Variants in PKIG observed in about 807,000 individuals in gnomAD.
PKIG encodes the protein cAMP-dependent protein kinase inhibitor gamma, also known as protein kinase (cAMP-dependent, catalytic) inhibitor gamma.
Under a neutral mutation model 6.8 loss-of-function variants are expected in PKIG, and 1 was observed. The observed-to-expected ratio is 0.15, with a 90% CI of 0.05 to 0.69. The LOEUF (loss-of-function observed/expected upper bound fraction) is 0.69, where lower values mean the gene tolerates loss of function less well. PKIG is among the 30% of genes least tolerant of loss of function. The pLI, the probability that PKIG is intolerant of heterozygous loss-of-function variation, is 0.82. For synonymous variants in PKIG, 39 were observed against 43.0 expected (o/e 0.91, Z 0.36); for missense variants, 77 against 104.0 (o/e 0.74, Z 1.13).
At chr20:44,572,609 C>T (rs1465471352) in intron 1 of PKIG, among the ~76,000 whole-genome samples, 1 of 152,140 alleles carries the variant, frequency 6.6e-6, no homozygotes, top group Non-Finnish European at 1.5e-5. Flanking sequence ...TGTCCAGGAG[C>T]AAAGCACCAC....
At position 44,614,482 on chromosome 20, in the gene PKIG, C is replaced by A; in HGVS notation, c.-23-52C>A. On this transcript the variant is annotated intron_variant, in intron 2 of 3. Transcript: ENST00000372886. The surrounding 1 kb of genome is among the most constrained non-coding windows in gnomAD (Gnocchi z 4.6). Reference sequence around the variant, plus strand: ...TGCTGGGGAACTGGAGCTGTCCTCTCTGCAGAATGCATCTGGACTTACCTC... The same window carrying A: ...TGCTGGGGAACTGGAGCTGTCCTCTATGCAGAATGCATCTGGACTTACCTC... The A allele has an allele frequency of 7.3e-7, 1 of 1,372,254 alleles. No homozygotes were observed. Among genetic ancestry groups the A allele is most frequent in the Non-Finnish European group, 1.0e-6 (1 of 975,590 alleles). 85.0% of individuals were successfully genotyped at this position (1,372,254 alleles called of 1,614,324 possible).
intron 1 of PKIG, among the ~76,000 whole-genome samples, chr20:44,550,334 A>G (rs1455508632): frequency 6.6e-6 from 1 of 151,922 alleles, no homozygotes. Flanking sequence ...CCGGCCATTT[A>G]GCCCGTCCCT....
intron 1 of PKIG, among the ~76,000 whole-genome samples, chr20:44,538,555 C>T (rs2064533260): frequency 6.6e-6 from 1 of 152,124 alleles, no homozygotes; most frequent in Non-Finnish European, 1.5e-5. Context: ...TCTATACTGC[C>T]TACTTCCATC....
intron 3 of PKIG, among the ~76,000 whole-genome samples, chr20:44,617,149 A>G (rs1251055857): frequency 6.6e-6 from 1 of 152,144 alleles, no homozygotes; most frequent in Admixed American, 6.5e-5. Context: ...GAAAGTGCCC[A>G]TCCATCTGCA....
intron 2 of PKIG, among the ~76,000 whole-genome samples, chr20:44,598,016 C>T (rs994473781): frequency 3.3e-5 from 5 of 152,198 alleles, no homozygotes; most frequent in Admixed American, 6.5e-5. Context: ...TTGGGAACAG[C>T]TTGGCTGGGC....
intron 1 of PKIG, among the ~76,000 whole-genome samples, chr20:44,571,612 T>C (rs1190500855): frequency 6.6e-6 from 1 of 152,226 alleles, no homozygotes; most frequent in African/African-American, 2.4e-5. Flanking sequence ...TTTTCGTCTT[T>C]AGAATTAGGC....
At position 44,536,051 on chromosome 20, in the gene PKIG, A is replaced by G. The variant is rs78476792; in HGVS notation, c.-241+4073A>G. 6.8e-3 allele frequency among the ~76,000 whole-genome samples: 1,031 copies of G among 152,314 alleles called. 18 individuals carry two copies. The highest frequency in any genetic ancestry group is 0.023 in the African/African-American group (966 of 41,572). On this transcript the variant is annotated intron_variant, in intron 1 of 4. Transcript: ENST00000372887. ...TACTCTGGATACATCGTGTTAGTGG[A>G]ATCTTGCATTATTTGTCTTTCTGTG...
intron 1 of PKIG, among the ~76,000 whole-genome samples, chr20:44,572,417 C>T (rs1477883774): frequency 2.0e-5 from 3 of 152,024 alleles, no homozygotes; most frequent in Non-Finnish European, 1.5e-5. Flanking sequence ...CTGATTCAAG[C>T]CTTAAAGAAA....
At chr20:44,567,486 G>A (rs1289374140) in intron 1 of PKIG, among the ~76,000 whole-genome samples, 1 of 152,086 alleles carries the variant, frequency 6.6e-6, no homozygotes, top group Non-Finnish European at 1.5e-5. Flanking sequence ...CTTTTCTTCA[G>A]CTATCTACTT....
intron 1 of PKIG, among the ~76,000 whole-genome samples, chr20:44,573,659 A>G (rs2064872474): frequency 6.6e-6 from 1 of 152,262 alleles, no homozygotes; most frequent in African/African-American, 2.4e-5. Context: ...GACCTCAAGC[A>G]AGTGGCTAAT....
chr20:44,583,646 G>T (rs956299645), intron 1 of PKIG, among the ~76,000 whole-genome samples: 1 of 152,060 alleles, frequency 6.6e-6, no homozygotes, highest in Non-Finnish European at 1.5e-5. Flanking sequence ...ATATTAGAAG[G>T]GTCACCCAAG....
At chr20:44,563,569 G>C (rs1029736310) in intron 1 of PKIG, among the ~76,000 whole-genome samples, 4 of 152,018 alleles carry the variant, frequency 2.6e-5, no homozygotes, top group African/African-American at 9.7e-5. Flanking sequence ...TTGCTCTCTT[G>C]CCCAGGCTAG....
intron 2 of PKIG, among the ~76,000 whole-genome samples, chr20:44,597,551 A>G (rs1214341069): frequency 6.6e-6 from 1 of 152,130 alleles, no homozygotes; most frequent in East Asian, 1.9e-4. Flanking sequence ...TCCACGGTGT[A>G]TTTTGGAGAT....
rs1015730267 is a variant in PKIG, at chr20:44,614,343, G to A, written c.-23-191G>A. The A allele has an allele frequency of 2.2e-5, 11 of 509,204 alleles. No homozygotes were observed. Among genetic ancestry groups the A allele is most frequent in the South Asian group, 1.7e-4 (6 of 35,394 alleles). 31.5% of individuals were successfully genotyped at this position (509,204 alleles called of 1,614,324 possible). A position where few individuals can be genotyped will look rare whatever the true frequency, so the allele number is the denominator to read the frequency against. On this transcript the variant is annotated intron_variant, in intron 2 of 3. Transcript: ENST00000372886. This position sits in a 1 kb window ranked among gnomAD's most constrained non-coding sequence, Gnocchi z 4.6. ...GCCCATGTTCTTTAAAATGTTGATGGTGGTTGTCTGGGTGTGGAATTATGA... is the reference window on the plus strand; with the variant it reads ...GCCCATGTTCTTTAAAATGTTGATGATGGTTGTCTGGGTGTGGAATTATGA...
At chr20:44,546,760 C>T (rs2064618581) in intron 1 of PKIG, among the ~76,000 whole-genome samples, 1 of 133,034 alleles carries the variant, frequency 7.5e-6, no homozygotes, top group Non-Finnish European at 1.6e-5. Flanking sequence ...ACCATGTTGA[C>T]CAGGTTGGTC....
intron 1 of PKIG, among the ~76,000 whole-genome samples, chr20:44,560,422 C>T (rs2064756601): frequency 6.6e-6 from 1 of 152,262 alleles, no homozygotes; most frequent in Non-Finnish European, 1.5e-5. Flanking sequence ...CAAAGTGTCA[C>T]ACCAGGTGAA....
intron 1 of PKIG, among the ~76,000 whole-genome samples, chr20:44,533,597 A>C (rs2064486856): frequency 6.6e-6 from 1 of 152,304 alleles, no homozygotes; most frequent in Non-Finnish European, 1.5e-5. Flanking sequence ...AACATTTTCA[A>C]AAGTACATTC....
intron 2 of PKIG, among the ~76,000 whole-genome samples, chr20:44,607,685 ATT>A (rs146383327): frequency 9.1e-5 from 11 of 120,690 alleles, no homozygotes; most frequent in Admixed American, 8.7e-5. Flanking sequence ...TGGAAAATAA[ATT>A]TTTTTTTTTT....
chr20:44,594,187 G>A (rs761364530), intron 2 of PKIG, among the ~76,000 whole-genome samples: 8 of 152,098 alleles, frequency 5.3e-5, no homozygotes, highest in African/African-American at 7.2e-5. Context: ...ACACCAAAAC[G>A]ACTTCTTTAA....
Sources: allele counts gnomAD v4.1 joint callset (sites outside exome capture counted in the v4.1 genomes callset), GRCh38; gene constraint gnomAD v4.1.1; non-coding constraint Gnocchi (gnomAD v3.1); transcripts MANE v1.5; gene names NCBI Gene and HGNC (gene_info 2026-07-23, HGNC 2026-07-21).